The following CCSER2 variants were observed in gnomAD, a reference collection of about 807,000 sequenced individuals.
The protein encoded by CCSER2 is coiled-coil serine rich protein 2.
CCSER2 carries 46 observed loss-of-function variants against 92.3 expected under a neutral mutation model. That is an observed-to-expected ratio of 0.50 (90% CI 0.39 to 0.64). The LOEUF is 0.64. Among genes scored for constraint, CCSER2 ranks in the 30% least tolerant of loss-of-function variants. The pLI, the probability that CCSER2 is intolerant of heterozygous loss-of-function variation, is 0.00. For synonymous variants in CCSER2, 433 were observed against 431.4 expected, an observed-to-expected ratio of 1.00 and a Z score of -0.04; for missense variants, 1,244 against 1,238.9, an observed-to-expected ratio of 1.00 and a Z score of -0.06.
chr10:84,421,420 G>C (rs1189034608), intron 4 of CCSER2, among the ~76,000 whole-genome samples: 3 of 152,144 alleles, frequency 2.0e-5, no homozygotes, highest in African/African-American at 7.2e-5. Flanking sequence ...ATGCTGGAAG[G>C]GGGAGCAAAC....
intron 3 of CCSER2, among the ~76,000 whole-genome samples, chr10:84,412,867 C>T (rs1159349374): frequency 3.3e-5 from 5 of 151,894 alleles, no homozygotes; most frequent in Non-Finnish European, 1.5e-5. Context: ...CAGCTTTTCT[C>T]CCAAAAAAGG....
intron 1 of CCSER2, among the ~76,000 whole-genome samples, chr10:84,356,799 A>G (rs1040400449): frequency 6.6e-6 from 1 of 152,218 alleles, no homozygotes; most frequent in Non-Finnish European, 1.5e-5. Context: ...AACCAGTTCT[A>G]TAGGACCTCA....
At chr10:84,340,693 G>C (rs1844127150) in intron 1 of CCSER2, among the ~76,000 whole-genome samples, 1 of 149,968 alleles carries the variant, frequency 6.7e-6, no homozygotes, top group South Asian at 2.1e-4. Flanking sequence ...CTCTTACCCT[G>C]ACACTCATCC....
intron 7 of CCSER2, among the ~76,000 whole-genome samples, chr10:84,465,286 T>A (rs1362496236): frequency 6.6e-5 from 5 of 75,194 alleles, no homozygotes; most frequent in Middle Eastern, 5.6e-3. Context: ...TGTGTGTGTG[T>A]GTGTGAAAAA....
intron 5 of CCSER2, among the ~76,000 whole-genome samples, chr10:84,437,931 A>G (rs1317623219): frequency 6.6e-6 from 1 of 151,950 alleles, no homozygotes; most frequent in Non-Finnish European, 1.5e-5. Context: ...GATTTTTTTA[A>G]TGCACTGTAA....
At position 84,442,561 on chromosome 10, in the gene CCSER2, G is replaced by A. The variant is rs186197550; in HGVS notation, c.2064+3854G>A. On this transcript the variant is annotated intron_variant, in intron 6 of 9. Transcript: ENST00000372088. ...GTGATGATTCCTGGATGGTAAGAAT[G>A]TAATTTCTTTTTTGTGTGTTTTTTA... Among the ~76,000 whole-genome samples, 360 of 152,316 alleles carry A rather than the reference G, an allele frequency of 2.4e-3. 1 individual carries two copies. The highest frequency in any genetic ancestry group is 8.3e-3 in the African/African-American group (343 of 41,548).
intron 5 of CCSER2, among the ~76,000 whole-genome samples, chr10:84,432,144 T>C (rs899276004): frequency 6.6e-6 from 1 of 152,232 alleles, no homozygotes; most frequent in Admixed American, 6.5e-5. Flanking sequence ...AGTTCCCTAA[T>C]GATAAATGAT....
At chr10:84,376,837 G>A (rs1589483019) in intron 3 of CCSER2, among the ~76,000 whole-genome samples, 1 of 151,992 alleles carries the variant, frequency 6.6e-6, no homozygotes, top group African/African-American at 2.4e-5. Flanking sequence ...TCACCTTCTT[G>A]TCTATTCTTG....
intron 5 of CCSER2, among the ~76,000 whole-genome samples, chr10:84,429,014 T>TATACAC (rs1400134320): frequency 7.2e-6 from 1 of 139,348 alleles, no homozygotes; most frequent in African/African-American, 2.6e-5. Flanking sequence ...TATATATATA[T>TATACAC]ACACACTTAA....
chr10:84,364,205 A>T (rs961852084), intron 1 of CCSER2, among the ~76,000 whole-genome samples: 8 of 152,242 alleles, frequency 5.3e-5, no homozygotes, highest in African/African-American at 1.9e-4. Context: ...ATTGCACACT[A>T]GTATAGACTT....
chr10:84,371,628 C>T lies in CCSER2; in HGVS notation c.576C>T (p.Ser192=), dbSNP rs1180611520. 2 of 1,613,574 alleles carry T rather than the reference C, an allele frequency of 1.2e-6. No homozygotes were observed. The highest frequency in any genetic ancestry group is 1.7e-6 in the Non-Finnish European group (2 of 1,179,640). The change falls in exon 2 of 10, where the codon TCC becomes TCT. Residue 192 remains serine (S), a synonymous_variant. Coordinates refer to ENST00000372088, the MANE Select transcript of CCSER2 (RefSeq NM_001284240.2). ...AGSMQRPRAN[S]CATRSSSGES... ...GCATGCAAAGGCCTAGAGCGAACTC[C>T]TGTGCCACCAGAAGCAGTTCTGGAG...
In CCSER2 at chr10:84,419,364, A is replaced by T. The variant is rs118025870; in HGVS notation, c.1705+1503A>T. Among the ~76,000 whole-genome samples, 566 of 149,982 alleles carry T rather than the reference A, an allele frequency of 3.8e-3. 2 individuals carry two copies. The highest frequency in any genetic ancestry group is 9.1e-3 in the African/African-American group (372 of 41,078). On this transcript the variant is annotated intron_variant, in intron 4 of 9. Coordinates refer to ENST00000372088, the MANE Select transcript of CCSER2 (RefSeq NM_001284240.2). The stretch of plus-strand genomic sequence containing the variant: ...AAACCAGCTCCCTTCTCAAAAAAAA[A>T]AAAATAAAATAAAGAAAAACACCCA...
At chr10:84,341,496 C>G (rs1239582882) in intron 1 of CCSER2, among the ~76,000 whole-genome samples, 1 of 151,946 alleles carries the variant, frequency 6.6e-6, no homozygotes, top group African/African-American at 2.4e-5. Flanking sequence ...CACACAGCAC[C>G]TCTTACACTA....
At chr10:84,482,462 C>T (rs1325384408) in intron 9 of CCSER2, among the ~76,000 whole-genome samples, 2 of 152,126 alleles carry the variant, frequency 1.3e-5, no homozygotes, top group Non-Finnish European at 2.9e-5. Context: ...GTGTACAGAT[C>T]CATGTACAAG....
rs1008482227 is a variant in CCSER2, at chr10:84,515,357, C to T, written c.*1090C>T. 9.2e-5 allele frequency: 14 copies of T among 152,466 alleles called. No individual in the cohort carries two copies. The highest frequency in any genetic ancestry group is 1.3e-4 in the Non-Finnish European group (9 of 68,032). 9.4% of individuals were successfully genotyped at this position (152,466 alleles called of 1,614,324 possible). A position where few individuals can be genotyped will look rare whatever the true frequency, so the allele number is the denominator to read the frequency against. Reference sequence around the variant, plus strand: ...AGAAAAATAACAAATTTAAATAAGACTATCTTGAGAAAGCTGGAGTTCATA... The same window carrying T: ...AGAAAAATAACAAATTTAAATAAGATTATCTTGAGAAAGCTGGAGTTCATA... On this transcript the variant is annotated 3_prime_UTR_variant, in exon 10 of 10. Transcript: ENST00000372088.
In CCSER2 at chr10:84,496,170, T is replaced by G. The variant is rs73323320; in HGVS notation, c.2326-17279T>G. On this transcript the variant is annotated intron_variant, in intron 9 of 9. Coordinates refer to ENST00000372088, the MANE Select transcript of CCSER2 (RefSeq NM_001284240.2). The stretch of plus-strand genomic sequence containing the variant: ...TGTAGAAACTTTATGTCCTTTTAAG[T>G]CCCTTTTCCTCTCCCATTTATAAGT... Among the ~76,000 whole-genome samples the G allele has an allele frequency of 6.3e-3, 954 of 152,312 alleles. 5 individuals carry two copies. The highest frequency in any genetic ancestry group is 0.022 in the African/African-American group (909 of 41,580).
intron 3 of CCSER2, chr10:84,391,300 A>G (rs1841504691): frequency 1.4e-6 from 2 of 1,465,814 alleles, no homozygotes; most frequent in Non-Finnish European, 1.9e-6. Context: ...ATTTTATGTT[A>G]GTGTCTCTTG....
chr10:84,345,486 T>C (rs1844426302), intron 1 of CCSER2, among the ~76,000 whole-genome samples: 2 of 152,240 alleles, frequency 1.3e-5, no homozygotes, highest in African/African-American at 4.8e-5. Flanking sequence ...AGTTTTGTTT[T>C]TGGAGTACTT....
At chr10:84,447,295 A>G (rs776551199) in intron 6 of CCSER2, among the ~76,000 whole-genome samples, 3 of 152,192 alleles carry the variant, frequency 2.0e-5, no homozygotes, top group Non-Finnish European at 4.4e-5. Context: ...ATATGGATAG[A>G]ATATAGTGAC....
Sources: allele counts gnomAD v4.1 joint callset (sites outside exome capture counted in the v4.1 genomes callset), GRCh38; gene constraint gnomAD v4.1.1; transcripts MANE v1.5; gene names NCBI Gene and HGNC (gene_info 2026-07-23, HGNC 2026-07-21).